FAM169A: variants seen among roughly 807,000 people sequenced by gnomAD.
FAM169A encodes the protein soluble lamin-associated protein of 75 kDa.
Under a neutral mutation model 75.7 loss-of-function variants are expected in FAM169A, and 24 were observed. The observed-to-expected ratio is 0.32, with a 90% CI of 0.23 to 0.45. FAM169A has a LOEUF of 0.45. FAM169A is among the 20% of genes least tolerant of loss of function. The pLI is 1.00. For synonymous variants in FAM169A, 271 were observed against 271.0 expected (o/e 1.00, Z 0.00); for missense variants, 673 against 784.0 (o/e 0.86, Z 1.69).
chr5:74,785,580 T>C (rs994985964), intron 11 of FAM169A, among the ~76,000 whole-genome samples: 4 of 151,804 alleles, frequency 2.6e-5, no homozygotes, highest in Non-Finnish European at 5.9e-5. Flanking sequence ...TGGCCAACAT[T>C]GGCAAAAACC....
At chr5:74,833,768 T>C (rs1748437266) in intron 5 of FAM169A, among the ~76,000 whole-genome samples, 1 of 152,194 alleles carries the variant, frequency 6.6e-6, no homozygotes, top group Non-Finnish European at 1.5e-5. Context: ...ATTGTATGTG[T>C]ACACAGAGTA....
intron 5 of FAM169A, among the ~76,000 whole-genome samples, chr5:74,827,453 AT>A (rs992823870): frequency 1.3e-5 from 2 of 152,004 alleles, no homozygotes; most frequent in Non-Finnish European, 2.9e-5. Flanking sequence ...TTATCCAATC[AT>A]TTTTCTCTAC....
intron 1 of FAM169A, among the ~76,000 whole-genome samples, chr5:74,855,787 C>T (rs1190612271): frequency 6.6e-6 from 1 of 152,194 alleles, no homozygotes; most frequent in Non-Finnish European, 1.5e-5. Flanking sequence ...TTTAACTTGA[C>T]ATGATCCCAC....
At chr5:74,818,817 A>G (rs1285226554) in intron 5 of FAM169A, among the ~76,000 whole-genome samples, 1 of 151,182 alleles carries the variant, frequency 6.6e-6, no homozygotes, top group Non-Finnish European at 1.5e-5. Context: ...ATATATATAT[A>G]TATATATGTC....
intron 11 of FAM169A, among the ~76,000 whole-genome samples, chr5:74,788,732 GTCAA>G (rs1447085568): frequency 6.6e-6 from 1 of 151,716 alleles, no homozygotes; most frequent in African/African-American, 2.4e-5. Flanking sequence ...AAGAAAAATA[GTCAA>G]TCAAACACAA....
intron 1 of FAM169A, among the ~76,000 whole-genome samples, chr5:74,857,241 G>A (rs1018515154): frequency 6.6e-6 from 1 of 151,938 alleles, no homozygotes; most frequent in African/African-American, 2.4e-5. Flanking sequence ...AATTCTCACT[G>A]GGGAAGGGAA....
At chr5:74,816,467 AGCAGTGTG>A (rs1355040185) in intron 5 of FAM169A, among the ~76,000 whole-genome samples, 1 of 152,212 alleles carries the variant, frequency 6.6e-6, no homozygotes, top group African/African-American at 2.4e-5. Flanking sequence ...TTATGGAACA[AGCAGTGTG>A]TTCACAACAT....
chr5:74,803,381 G>A (rs16872290), intron 8 of FAM169A, among the ~76,000 whole-genome samples: 3,636 of 152,024 alleles, frequency 0.024, 146 homozygotes, highest in African/African-American at 0.084. Flanking sequence ...AAAATCCCAA[G>A]AATCTAACTC....
intron 6 of FAM169A, among the ~76,000 whole-genome samples, chr5:74,811,348 C>T (rs1240227256): frequency 2.0e-5 from 3 of 152,158 alleles, no homozygotes; most frequent in Non-Finnish European, 4.4e-5. Context: ...AGAGTAAGTG[C>T]TAAGGGATTC....
intron 6 of FAM169A, among the ~76,000 whole-genome samples, chr5:74,806,856 A>G (rs1415014366): frequency 6.6e-6 from 1 of 152,208 alleles, no homozygotes; most frequent in African/African-American, 2.4e-5. Flanking sequence ...GACTATGAAC[A>G]GGAATTTCAC....
At chr5:74,826,459 A>T (rs1312492672) in intron 5 of FAM169A, among the ~76,000 whole-genome samples, 1 of 152,084 alleles carries the variant, frequency 6.6e-6, no homozygotes, top group African/African-American at 2.4e-5. Flanking sequence ...TGGTATTTTT[A>T]GTTTCTTTTT....
At chr5:74,815,543 T>C (rs1747427717) in intron 5 of FAM169A, among the ~76,000 whole-genome samples, 3 of 152,172 alleles carry the variant, frequency 2.0e-5, no homozygotes, top group Admixed American at 2.0e-4. Flanking sequence ...TCTAGATTTC[T>C]TGTACAAATC....
intron 6 of FAM169A, among the ~76,000 whole-genome samples, 189 bp from the exon 7 acceptor site, chr5:74,805,473 TA>T (rs1378143578): frequency 2.8e-5 from 4 of 144,096 alleles, no homozygotes; most frequent in African/African-American, 1.0e-4. Context: ...AAATCCCAAA[TA>T]AAAGTTTTAA....
At chr5:74,793,688 G>A (rs1746100575) in intron 11 of FAM169A, among the ~76,000 whole-genome samples, 1 of 152,060 alleles carries the variant, frequency 6.6e-6, no homozygotes, top group East Asian at 1.9e-4. Context: ...ACACCCATCT[G>A]CTCCCCAAAA....
intron 5 of FAM169A, among the ~76,000 whole-genome samples, chr5:74,824,708 TACACACACAC>T (rs60236324): frequency 6.8e-6 from 1 of 147,330 alleles, no homozygotes; most frequent in African/African-American, 2.5e-5. Flanking sequence ...TACACACACA[TACACACACAC>T]ACACACACAC....
At chr5:74,842,360 G>C (rs1479883254) in intron 1 of FAM169A, among the ~76,000 whole-genome samples, 1 of 127,612 alleles carries the variant, frequency 7.8e-6, no homozygotes, top group Non-Finnish European at 1.6e-5. Context: ...GGCAGAGGTT[G>C]CAGTGAGCCA....
chr5:74,864,057 C>T (rs1580183683), intron 1 of FAM169A, among the ~76,000 whole-genome samples: 1 of 152,070 alleles, frequency 6.6e-6, no homozygotes, highest in South Asian at 2.1e-4. Context: ...ATGGGAAGCA[C>T]GATATTTTTG....
chr5:74,783,585 C>A (rs140212534), intron 11 of FAM169A, among the ~76,000 whole-genome samples: 1 of 152,252 alleles, frequency 6.6e-6, no homozygotes, highest in East Asian at 1.9e-4. Context: ...GTTTTCTGTG[C>A]CAGAGGTAGG....
At chr5:74,782,408 T>C (rs1463180722) in intron 12 of FAM169A, among the ~76,000 whole-genome samples, 2 of 152,216 alleles carry the variant, frequency 1.3e-5, no homozygotes, top group Non-Finnish European at 2.9e-5. Flanking sequence ...GACTACGATT[T>C]CATTAGATAA....
Sources: allele counts gnomAD v4.1 joint callset (sites outside exome capture counted in the v4.1 genomes callset), GRCh38; gene constraint gnomAD v4.1.1; transcripts MANE v1.5; gene names NCBI Gene and HGNC (gene_info 2026-07-23, HGNC 2026-07-21).